FECH: variants seen among roughly 807,000 people sequenced by gnomAD.
The protein encoded by FECH is ferrochelatase, mitochondrial.
Under a neutral mutation model 56.9 loss-of-function variants are expected in FECH, and 40 were observed. The ratio of observed to expected loss-of-function variants is 0.70; its 90% CI spans 0.55 to 0.92. The LOEUF is 0.92. FECH is among the 40% of genes least tolerant of loss of function. The pLI is 0.00. For synonymous variants in FECH, 175 were observed against 198.6 expected (o/e 0.88, Z 1.00); for missense variants, 431 against 529.1 (o/e 0.81, Z 1.82).
chr18:57,568,956 G>A (rs1163620421), intron 4 of FECH, among the ~76,000 whole-genome samples: 7 of 152,158 alleles, frequency 4.6e-5, no homozygotes, highest in Non-Finnish European at 7.4e-5. Context: ...GGATCTAAGA[G>A]TTGAGTTCTG....
chr18:57,586,342 T>G (rs559879356), intron 1 of FECH, among the ~76,000 whole-genome samples: 1 of 152,346 alleles, frequency 6.6e-6, no homozygotes, highest in South Asian at 2.1e-4. Flanking sequence ...CTGCGCCTCC[T>G]GGATCCGGGC....
chr18:57,566,700 T>G, intron 4 of FECH, 119 bp from the exon 5 acceptor site: 1 of 1,272,944 alleles, frequency 7.9e-7, no homozygotes, highest in East Asian at 2.5e-5. Context: ...CCTATGGCAC[T>G]GACGGTGAAG....
intron 1 of FECH, among the ~76,000 whole-genome samples, chr18:57,581,093 A>T (rs1599015965): frequency 6.6e-6 from 1 of 152,216 alleles, no homozygotes; most frequent in Admixed American, 6.5e-5. Context: ...AAAGCATGTC[A>T]GTCAGAGGCA....
intron 5 of FECH, 27 bp from the exon 6 acceptor site, chr18:57,563,007 G>C (rs762655980): frequency 1.0e-5 from 16 of 1,558,730 alleles, no homozygotes; most frequent in Non-Finnish European, 1.4e-5. Flanking sequence ...CCACTTAGTA[G>C]ATGCATTTTG....
intron 2 of FECH, among the ~76,000 whole-genome samples, chr18:57,579,784 A>G (rs1221526172): frequency 2.6e-5 from 4 of 151,556 alleles, no homozygotes; most frequent in Non-Finnish European, 4.4e-5. Flanking sequence ...CATTTCCAGC[A>G]TATATAATTT....
intron 1 of FECH, among the ~76,000 whole-genome samples, chr18:57,583,960 T>A (rs914155268): frequency 2.0e-4 from 31 of 152,052 alleles, no homozygotes; most frequent in African/African-American, 7.2e-4. Flanking sequence ...GGCGGGCAGA[T>A]CACAGGTCAG....
chr18:57,559,199 AAG>A lies in FECH; in HGVS notation c.748_749del (p.Leu250Ter). ...HILKELDHFP[L>X]EKRSEVVILF... ...GAATGACCACCTCGCTTCTCTTCTCAAGTGGAAAATGGTCCAGTTCCTTTAGA... is the reference window on the plus strand; with the variant it reads ...GAATGACCACCTCGCTTCTCTTCTCATGGAAAATGGTCCAGTTCCTTTAGA... On this transcript the variant is annotated frameshift_variant, in exon 7 of 11. Transcript: ENST00000262093. LOFTEE classifies it high-confidence loss of function. The A allele has an allele frequency of 6.2e-7, 1 of 1,613,324 alleles. No individual in the cohort carries two copies. The highest frequency in any genetic ancestry group is 8.5e-7 in the Non-Finnish European group (1 of 1,179,318).
In FECH at chr18:57,555,487, C is replaced by T. The variant is rs147978293; in HGVS notation, c.805-535G>A. Reference sequence around the variant, plus strand: ...GACCTGCACCTTCCACTTCCTCTCTCCCCACTCTTCCTGCAACAATGGACA... The same window carrying T: ...GACCTGCACCTTCCACTTCCTCTCTTCCCACTCTTCCTGCAACAATGGACA... On this transcript the variant is annotated intron_variant, in intron 7 of 10. Coordinates refer to ENST00000262093, the MANE Select transcript of FECH (RefSeq NM_000140.5). 3.9e-5 allele frequency among the ~76,000 whole-genome samples: 6 copies of T among 152,298 alleles called. No individual in the cohort carries two copies. The East Asian group carries it at 1.2e-3, about 29-fold the overall frequency.
chr18:57,562,190 TAC>T (rs1444191962), intron 6 of FECH, among the ~76,000 whole-genome samples: 1 of 152,220 alleles, frequency 6.6e-6, no homozygotes, highest in Non-Finnish European at 1.5e-5. Flanking sequence ...CAGAAACTTC[TAC>T]TAGCAGAACA....
chr18:57,554,744 G>A, intron 8 of FECH, 101 bp downstream of exon 8: 1 of 943,868 alleles, frequency 1.1e-6, no homozygotes, highest in Admixed American at 1.9e-5. Flanking sequence ...GGTTATGGAA[G>A]AGCCTGACCA....
chr18:57,562,423 GA>G (rs2050956977), intron 6 of FECH, among the ~76,000 whole-genome samples: 1 of 152,042 alleles, frequency 6.6e-6, no homozygotes, highest in South Asian at 2.1e-4. Flanking sequence ...TTTCTCAATC[GA>G]AATGTTCAAT....
chr18:57,552,104 G>A (rs1049430924), intron 9 of FECH, among the ~76,000 whole-genome samples: 7 of 151,282 alleles, frequency 4.6e-5, no homozygotes, highest in East Asian at 2.0e-4. Context: ...GGCTGGTCTC[G>A]AACTCCTGAC....
chr18:57,586,546 C>T lies in FECH; in HGVS notation c.67+8G>A, dbSNP rs751670563. ...GGCCCTGGCGGCCGCCGCGACAGAC[C>T]CACTTACGCGGATCGCGGAGCAGGA... On this transcript the variant is annotated splice_region_variant and intron_variant, in intron 1 of 10. Coordinates refer to ENST00000262093, the MANE Select transcript of FECH (RefSeq NM_000140.5). 1.3e-6 allele frequency: 2 copies of T among 1,520,804 alleles called. No individual in the cohort carries two copies. The highest frequency in any genetic ancestry group is 1.7e-4 in the Middle Eastern group (1 of 5,722). 94.2% of individuals were successfully genotyped at this position (1,520,804 alleles called of 1,614,324 possible).
chr18:57,577,864 G>A (rs1488174449), intron 2 of FECH, among the ~76,000 whole-genome samples: 3 of 152,102 alleles, frequency 2.0e-5, no homozygotes, highest in African/African-American at 4.8e-5. Flanking sequence ...AGACAAGCCT[G>A]AGCAACACAG....
chr18:57,582,757 CA>C (rs572019088), intron 1 of FECH, among the ~76,000 whole-genome samples: 38,131 of 121,970 alleles, frequency 0.31, 6,037 homozygotes, highest in African/African-American at 0.48. Context: ...ACTAAAAATA[CA>C]AAAAAAAAAA....
chr18:57,570,296 T>C (rs926504588), intron 4 of FECH, among the ~76,000 whole-genome samples: 1 of 152,208 alleles, frequency 6.6e-6, no homozygotes, highest in Non-Finnish European at 1.5e-5. Flanking sequence ...CACTGTGGCA[T>C]GCACGGAGGA....
intron 4 of FECH, among the ~76,000 whole-genome samples, chr18:57,570,453 C>G (rs2051088786): frequency 6.6e-6 from 1 of 152,186 alleles, no homozygotes; most frequent in South Asian, 2.1e-4. Context: ...CCAGTGGATT[C>G]TGAGAACAGC....
intron 5 of FECH, among the ~76,000 whole-genome samples, chr18:57,565,190 A>G (rs1384728255): frequency 2.6e-5 from 4 of 152,250 alleles, no homozygotes; most frequent in Non-Finnish European, 5.9e-5. Context: ...CCATTTACAT[A>G]TTGAGGTATA....
chr18:57,581,008 C>T (rs2051269887), intron 1 of FECH, among the ~76,000 whole-genome samples: 1 of 152,124 alleles, frequency 6.6e-6, no homozygotes, highest in Non-Finnish European at 1.5e-5. Context: ...GGCATGAAGA[C>T]CAGAGAGTCC....
Sources: allele counts gnomAD v4.1 joint callset (sites outside exome capture counted in the v4.1 genomes callset), GRCh38; gene constraint gnomAD v4.1.1; transcripts MANE v1.5; gene names NCBI Gene and HGNC (gene_info 2026-07-23, HGNC 2026-07-21).